PPP6R3: variants seen among roughly 807,000 people sequenced by gnomAD.
The protein encoded by PPP6R3 is serine/threonine-protein phosphatase 6 regulatory subunit 3.
PPP6R3 carries 38 observed loss-of-function variants against 110.7 expected under a neutral mutation model. That is an observed-to-expected ratio of 0.34 (90% CI 0.26 to 0.45). The LOEUF (loss-of-function observed/expected upper bound fraction) is 0.45, where lower values mean the gene tolerates loss of function less well. PPP6R3 is among the 20% of genes least tolerant of loss of function. The pLI is 1.00. For synonymous variants in PPP6R3, 369 were observed against 373.5 expected, an observed-to-expected ratio of 0.99 and a Z score of 0.14; for missense variants, 870 against 1,062.4, an observed-to-expected ratio of 0.82 and a Z score of 2.52.
At chr11:68,521,942 A>T (rs149889855) in intron 2 of PPP6R3, among the ~76,000 whole-genome samples, 2 of 152,180 alleles carry the variant, frequency 1.3e-5, no homozygotes, top group Non-Finnish European at 2.9e-5. Context: ...CATGTAATCT[A>T]TTAATATTGA....
chr11:68,580,844 T>C (rs2099551434), intron 14 of PPP6R3, among the ~76,000 whole-genome samples: 1 of 126,478 alleles, frequency 7.9e-6, no homozygotes. Context: ...CGATCTCGGC[T>C]CACTGCAAGC....
At chr11:68,594,717 T>G (rs1405133429) in intron 18 of PPP6R3, among the ~76,000 whole-genome samples, 1 of 152,234 alleles carries the variant, frequency 6.6e-6, no homozygotes, top group Non-Finnish European at 1.5e-5. Context: ...TTTTTGTAGC[T>G]ATTAACAAGC....
intron 18 of PPP6R3, among the ~76,000 whole-genome samples, chr11:68,595,254 T>G (rs1005781788): frequency 6.8e-5 from 10 of 147,122 alleles, no homozygotes; most frequent in Non-Finnish European, 1.0e-4. Context: ...TTGTTCTTCT[T>G]GTCCAGGCTG....
chr11:68,545,534 G>C (rs1384704719), intron 4 of PPP6R3, among the ~76,000 whole-genome samples: 1 of 152,218 alleles, frequency 6.6e-6, no homozygotes, highest in Non-Finnish European at 1.5e-5. Flanking sequence ...TGTATAGACT[G>C]CTGTGTACAT....
intron 1 of PPP6R3, among the ~76,000 whole-genome samples, chr11:68,465,771 G>A (rs2098741175): frequency 6.6e-6 from 1 of 152,212 alleles, no homozygotes; most frequent in African/African-American, 2.4e-5. Context: ...TGTCAATGGG[G>A]CCTGGGAGGA....
At chr11:68,599,109 T>G (rs529620435) in intron 19 of PPP6R3, among the ~76,000 whole-genome samples, 1 of 152,362 alleles carries the variant, frequency 6.6e-6, no homozygotes, top group East Asian at 1.9e-4. Flanking sequence ...CTTCTTAATC[T>G]TAGTCACTTG....
At chr11:68,492,937 A>G (rs1012137731) in intron 1 of PPP6R3, among the ~76,000 whole-genome samples, 1 of 151,882 alleles carries the variant, frequency 6.6e-6, no homozygotes, top group Non-Finnish European at 1.5e-5. Context: ...GGCCTCTCTT[A>G]ATTTTCTTCT....
chr11:68,521,956 G>A (rs555583014), intron 2 of PPP6R3, among the ~76,000 whole-genome samples: 1 of 152,090 alleles, frequency 6.6e-6, no homozygotes, highest in Non-Finnish European at 1.5e-5. Context: ...ATATTGATCT[G>A]CAGCAAGGTT....
In PPP6R3 at chr11:68,615,064, T is replaced by G. The variant is rs1219886130; in HGVS notation, c.*1947T>G. 1 of 478,410 alleles carries G rather than the reference T, an allele frequency of 2.1e-6. No homozygotes were observed. The highest frequency in any genetic ancestry group is 1.5e-5 in the South Asian group (1 of 64,766). The allele number at this position is 478,410 out of a possible 1,614,324, so 29.6% of individuals were successfully genotyped here. On this transcript the variant is annotated 3_prime_UTR_variant, in exon 24 of 24. Coordinates refer to ENST00000393800, the MANE Select transcript of PPP6R3 (RefSeq NM_001164161.2). ...GTAACAGTGTCTTGCTTCATCCCAC[T>G]GACTGCTGGGAGAGAGCCTCTGGGA...
At position 68,613,136 on chromosome 11, in the gene PPP6R3, G is replaced by GCTGA. The variant is rs758104482; in HGVS notation, c.*24_*27dup. On this transcript the variant is annotated 3_prime_UTR_variant, in exon 24 of 24. Transcript: ENST00000393800. The stretch of plus-strand genomic sequence containing the variant: ...TGTATGACGGGTGACGTCTGCTGCT[G>GCTGA]CTGACTGAGGACTGCAGACCGCCAC... 9.7e-5 allele frequency: 157 copies of GCTGA among 1,613,894 alleles called. 2 individuals carry two copies. The South Asian group carries it at 1.4e-3, about 14-fold the overall frequency.
intron 5 of PPP6R3, among the ~76,000 whole-genome samples, chr11:68,550,713 T>C (rs1175410844): frequency 1.3e-5 from 2 of 152,194 alleles, no homozygotes; most frequent in Admixed American, 6.5e-5. Flanking sequence ...GTGCTAAATA[T>C]TGCTCTTCTC....
At chr11:68,485,752 T>G (rs927944504) in intron 1 of PPP6R3, among the ~76,000 whole-genome samples, 1 of 152,120 alleles carries the variant, frequency 6.6e-6, no homozygotes. Context: ...TGGAGTGCAG[T>G]GGGATGATCT....
At chr11:68,533,049 C>A (rs1477823806) in intron 2 of PPP6R3, among the ~76,000 whole-genome samples, 1 of 152,148 alleles carries the variant, frequency 6.6e-6, no homozygotes. Context: ...TGTTGAAGTT[C>A]TGACTTTTTG....
At chr11:68,564,178 TCCTAGCC>T in intron 8 of PPP6R3, 118 bp from the exon 9 acceptor site, 2 of 1,031,472 alleles carry the variant, frequency 1.9e-6, no homozygotes, top group Admixed American at 2.4e-5. Flanking sequence ...TATGCTTTTT[TCCTAGCC>T]TTTTTTCCCG....
At chr11:68,481,618 GT>G (rs2098913478) in intron 1 of PPP6R3, among the ~76,000 whole-genome samples, 1 of 152,224 alleles carries the variant, frequency 6.6e-6, no homozygotes, top group African/African-American at 2.4e-5. Flanking sequence ...TGGTGGGCAT[GT>G]TTGTATCTAT....
chr11:68,584,914 C>T (rs1399826037), intron 15 of PPP6R3, among the ~76,000 whole-genome samples: 1 of 152,196 alleles, frequency 6.6e-6, no homozygotes, highest in Non-Finnish European at 1.5e-5. Flanking sequence ...CAAAGCACTT[C>T]TTAAAATTTT....
At chr11:68,569,645 G>A in intron 10 of PPP6R3, 103 bp from the exon 11 acceptor site, 1 of 1,050,116 alleles carries the variant, frequency 9.5e-7, no homozygotes, top group Non-Finnish European at 1.4e-6. Context: ...TGGACTGAGA[G>A]CACATCATTT....
At chr11:68,488,174 G>A (rs1425366475) in intron 1 of PPP6R3, among the ~76,000 whole-genome samples, 1 of 151,972 alleles carries the variant, frequency 6.6e-6, no homozygotes, top group Non-Finnish European at 1.5e-5. Context: ...AATTAATACA[G>A]CTACTCTTGT....
At chr11:68,500,471 C>T (rs2099042743) in intron 1 of PPP6R3, among the ~76,000 whole-genome samples, 1 of 150,820 alleles carries the variant, frequency 6.6e-6, no homozygotes, top group Non-Finnish European at 1.5e-5. Context: ...GTTGGACTTT[C>T]ACTTTAAAAC....
Sources: allele counts gnomAD v4.1 joint callset (sites outside exome capture counted in the v4.1 genomes callset), GRCh38; gene constraint gnomAD v4.1.1; transcripts MANE v1.5; gene names NCBI Gene and HGNC (gene_info 2026-07-23, HGNC 2026-07-21).